The following SPECC1L variants were observed in gnomAD, a reference collection of about 807,000 sequenced individuals.
The protein encoded by SPECC1L is cytospin-A.
A neutral mutation model predicts 116.8 loss-of-function variants in SPECC1L; 40 were observed. The ratio of observed to expected loss-of-function variants is 0.34; its 90% CI spans 0.27 to 0.45. The LOEUF (loss-of-function observed/expected upper bound fraction) is 0.45, where lower values mean the gene tolerates loss of function less well. Among genes scored for constraint, SPECC1L ranks in the 20% least tolerant of loss-of-function variants. SPECC1L has a pLI of 1.00. For synonymous variants in SPECC1L, 504 were observed against 500.6 expected (o/e 1.01, Z -0.09); for missense variants, 1,110 against 1,373.6 (o/e 0.81, Z 3.03).
At chr22:24,319,945 C>T (rs1262578508) in intron 4 of SPECC1L, among the ~76,000 whole-genome samples, 1 of 152,188 alleles carries the variant, frequency 6.6e-6, no homozygotes, top group African/African-American at 2.4e-5. Flanking sequence ...TAAACATATT[C>T]CTGGCCAGGT....
chr22:24,282,260 A>G (rs1336735002), intron 2 of SPECC1L, among the ~76,000 whole-genome samples: 1 of 152,234 alleles, frequency 6.6e-6, no homozygotes, highest in African/African-American at 2.4e-5. Context: ...CGTGACTCCT[A>G]AACCATAATT....
intron 14 of SPECC1L, among the ~76,000 whole-genome samples, chr22:24,370,394 C>A (rs1331655206): frequency 1.3e-5 from 2 of 151,838 alleles, no homozygotes; most frequent in African/African-American, 4.8e-5. Context: ...AATCTCCATG[C>A]CAGCTTCCAC....
chr22:24,327,301 AAC>A (rs1365375874), intron 6 of SPECC1L, among the ~76,000 whole-genome samples: 18 of 151,058 alleles, frequency 1.2e-4, no homozygotes, highest in Admixed American at 2.6e-4. Context: ...AAAAAAAAAA[AAC>A]ATCAGAACAC....
chr22:24,324,873 A>G (rs540594560), intron 6 of SPECC1L, among the ~76,000 whole-genome samples: 3 of 152,342 alleles, frequency 2.0e-5, no homozygotes, highest in African/African-American at 7.2e-5. Flanking sequence ...AAAAAGTCAC[A>G]GATTGATCCT....
chr22:24,276,899 A>G (rs534522221), intron 2 of SPECC1L, 96 bp downstream of exon 2: 8 of 277,506 alleles, frequency 2.9e-5, no homozygotes, highest in African/African-American at 1.6e-4. Flanking sequence ...GTTTGGTTCT[A>G]CCCCACTGGG....
chr22:24,301,306 A>G (rs565711500), intron 2 of SPECC1L, among the ~76,000 whole-genome samples: 22 of 152,166 alleles, frequency 1.4e-4, no homozygotes, highest in Non-Finnish European at 2.8e-4. Flanking sequence ...GGCAAAGGAT[A>G]TGAACAGACA....
At chr22:24,321,035 A>G (rs1426706397) in intron 4 of SPECC1L, among the ~76,000 whole-genome samples, 3 of 152,250 alleles carry the variant, frequency 2.0e-5, no homozygotes, top group Non-Finnish European at 2.9e-5. Flanking sequence ...TTCACATTCC[A>G]TAAAATTTAC....
intron 14 of SPECC1L, among the ~76,000 whole-genome samples, chr22:24,397,156 TTA>T (rs1337966998): frequency 6.6e-6 from 1 of 152,154 alleles, no homozygotes; most frequent in African/African-American, 2.4e-5. Context: ...TGCACCTTTT[TTA>T]GTTGTTTTGC....
rs528734099 is a variant in SPECC1L at position 24,317,089 on chromosome 22, A to AC, written c.307+3630dup. On this transcript the variant is annotated intron_variant, in intron 4 of 16. Transcript: ENST00000314328. ...GGTGGCTGGCCGGGCGGTGGGGCTG[A>AC]CCCCCCCACCTCCCTCCTGGACGGG... Among the ~76,000 whole-genome samples the AC allele has an allele frequency of 3.3e-3, 236 of 70,846 alleles. 15 individuals are homozygous for AC. The highest frequency in any genetic ancestry group is 5.3e-3 in the South Asian group (10 of 1,894). 46.5% of individuals were successfully genotyped at this position (70,846 alleles called of 152,430 possible). A position where few individuals can be genotyped will look rare whatever the true frequency, so the allele number is the denominator to read the frequency against.
intron 8 of SPECC1L, among the ~76,000 whole-genome samples, chr22:24,334,151 T>TA (rs1367962793): frequency 1.3e-5 from 2 of 151,434 alleles, no homozygotes; most frequent in Non-Finnish European, 1.5e-5. Flanking sequence ...TAGCTGGGAG[T>TA]ACAGGCGCCC....
At chr22:24,345,076 T>C (rs1426192580) in intron 10 of SPECC1L, among the ~76,000 whole-genome samples, 2 of 152,114 alleles carry the variant, frequency 1.3e-5, no homozygotes, top group African/African-American at 4.8e-5. Flanking sequence ...AACATTGTTG[T>C]GGTCGGGGGG....
At chr22:24,331,241 A>G (rs191771382) in intron 8 of SPECC1L, among the ~76,000 whole-genome samples, 218 of 152,322 alleles carry the variant, frequency 1.4e-3, no homozygotes, top group Non-Finnish European at 2.0e-3. Context: ...TTGAGTAATT[A>G]TTAAGTGGGC....
chr22:24,380,127 T>A (rs2042038718), intron 14 of SPECC1L, among the ~76,000 whole-genome samples: 2 of 152,166 alleles, frequency 1.3e-5, no homozygotes, highest in African/African-American at 4.8e-5. Flanking sequence ...CTCCTCAGCC[T>A]CCCAAAGTGC....
intron 14 of SPECC1L, among the ~76,000 whole-genome samples, chr22:24,383,510 C>G (rs949954887): frequency 2.0e-5 from 3 of 152,008 alleles, no homozygotes; most frequent in Admixed American, 6.5e-5. Flanking sequence ...AGAGGTGATC[C>G]AGATATTGGA....
At chr22:24,338,247 G>A (rs1041002593) in intron 9 of SPECC1L, 139 bp from the exon 10 acceptor site, 4 of 820,944 alleles carry the variant, frequency 4.9e-6, no homozygotes, top group East Asian at 2.5e-5. Flanking sequence ...CAAGTGTTCA[G>A]CAGAGGCTAG....
intron 15 of SPECC1L, 117 bp downstream of exon 15, chr22:24,411,821 G>A (rs953007188): frequency 3.1e-5 from 26 of 847,776 alleles, no homozygotes; most frequent in Admixed American, 8.8e-5. Context: ...CGATTGCCTC[G>A]TGCCATCTGG....
intron 14 of SPECC1L, among the ~76,000 whole-genome samples, chr22:24,387,490 G>A (rs1329076256): frequency 6.6e-6 from 1 of 152,100 alleles, no homozygotes; most frequent in Non-Finnish European, 1.5e-5. Flanking sequence ...TCTTTTAGCT[G>A]TACTTATCAT....
chr22:24,378,030 C>G (rs1387309713), intron 14 of SPECC1L, among the ~76,000 whole-genome samples: 1 of 152,184 alleles, frequency 6.6e-6, no homozygotes, highest in Non-Finnish European at 1.5e-5. Context: ...CTATGAAAGT[C>G]CTAGATGTCA....
chr22:24,311,020 C>G (rs754310106), intron 3 of SPECC1L, among the ~76,000 whole-genome samples: 5 of 152,176 alleles, frequency 3.3e-5, no homozygotes, highest in Non-Finnish European at 7.4e-5. Flanking sequence ...TTCTGGAAAA[C>G]TCTTGTTTTC....
Sources: gnomAD v4.1 joint callset for allele counts (sites outside exome capture counted in the v4.1 genomes callset) on GRCh38, gnomAD v4.1.1 for gene constraint, MANE v1.5 for transcripts, NCBI Gene and HGNC (gene_info 2026-07-23, HGNC 2026-07-21) for gene names.